GLDC: variants seen among roughly 807,000 people sequenced by gnomAD.
GLDC encodes glycine dehydrogenase (decarboxylating), mitochondrial.
Under a neutral mutation model 121.3 loss-of-function variants are expected in GLDC, and 104 were observed. The ratio of observed to expected loss-of-function variants is 0.86; its 90% confidence interval spans 0.73 to 1.01. GLDC has a LOEUF of 1.01. GLDC is among the 50% of genes least tolerant of loss of function. The pLI is 0.00. For missense variants in GLDC, 1,429 were observed against 1,306.6 expected, an observed-to-expected ratio of 1.09 and a Z score of -1.44; for synonymous variants, 546 against 480.6, an observed-to-expected ratio of 1.14 and a Z score of -1.78.
intron 15 of GLDC, among the ~76,000 whole-genome samples, chr9:6,569,675 T>C (rs1471559108): frequency 2.0e-5 from 3 of 149,560 alleles, no homozygotes; most frequent in Admixed American, 2.0e-4. Context: ...CAAAAAGAAA[T>C]GGATGTTGCA....
chr9:6,554,550 A>G (rs948644644), intron 19 of GLDC, 119 bp downstream of exon 19: 4 of 779,158 alleles, frequency 5.1e-6, no homozygotes, highest in Admixed American at 2.0e-5. Context: ...CTACAAGTGC[A>G]CTACACCGAT....
chr9:6,547,973 T>A (rs111740290), intron 21 of GLDC, among the ~76,000 whole-genome samples: 2,420 of 152,088 alleles, frequency 0.016, 62 homozygotes, highest in African/African-American at 0.056. Flanking sequence ...CTACAAAAAA[T>A]ATATATATAA....
At chr9:6,582,536 A>G (rs1332831923) in intron 15 of GLDC, among the ~76,000 whole-genome samples, 1 of 149,622 alleles carries the variant, frequency 6.7e-6, no homozygotes, top group African/African-American at 2.5e-5. Flanking sequence ...AAAAAGATAT[A>G]AAGAACTGCT....
chr9:6,591,141 A>C (rs74940669), intron 11 of GLDC, among the ~76,000 whole-genome samples: 3,862 of 152,018 alleles, frequency 0.025, 124 homozygotes, highest in African/African-American at 0.072. Context: ...GCTTTCCCCC[A>C]CTACTTCATT....
At chr9:6,553,801 C>T (rs369177862) in intron 19 of GLDC, among the ~76,000 whole-genome samples, 16 of 152,238 alleles carry the variant, frequency 1.1e-4, no homozygotes, top group African/African-American at 3.9e-4. Context: ...CTCCCTCCCA[C>T]TCCCAGCCCC....
chr9:6,601,574 G>A (rs1029984327), intron 8 of GLDC, among the ~76,000 whole-genome samples: 7 of 152,114 alleles, frequency 4.6e-5, no homozygotes, highest in African/African-American at 1.7e-4. Context: ...GGCAAATGGT[G>A]TACATATAAA....
intron 2 of GLDC, among the ~76,000 whole-genome samples, chr9:6,638,925 C>T (rs1319806195): frequency 6.6e-6 from 1 of 151,864 alleles, no homozygotes; most frequent in East Asian, 1.9e-4. Context: ...AGGAGAATCG[C>T]TTGAACCCAG....
chr9:6,581,381 C>T (rs1158965686), intron 15 of GLDC, among the ~76,000 whole-genome samples: 1 of 152,190 alleles, frequency 6.6e-6, no homozygotes, highest in South Asian at 2.1e-4. Context: ...CACCTCTGTA[C>T]TTCTCCACTG....
chr9:6,628,433 T>A (rs1819291972), intron 2 of GLDC, among the ~76,000 whole-genome samples: 1 of 152,030 alleles, frequency 6.6e-6, no homozygotes. Flanking sequence ...TTCCTGAACA[T>A]GAACTACAAT....
intron 8 of GLDC, among the ~76,000 whole-genome samples, chr9:6,598,635 C>T (rs939796226): frequency 2.6e-5 from 4 of 152,208 alleles, no homozygotes; most frequent in Non-Finnish European, 1.5e-5. Flanking sequence ...GGGAGACTTG[C>T]ATGCTCACAA....
chr9:6,540,007 C>T (rs374228546), intron 22 of GLDC, 44 bp downstream of exon 22: 106 of 1,230,878 alleles, frequency 8.6e-5, no homozygotes, highest in Non-Finnish European at 1.2e-4. Flanking sequence ...GGAAGTGGTC[C>T]ACAGCCAGCA....
chr9:6,536,733 T>C (rs1817136567), intron 22 of GLDC, among the ~76,000 whole-genome samples: 1 of 152,200 alleles, frequency 6.6e-6, no homozygotes, highest in Admixed American at 6.5e-5. Flanking sequence ...TATCATGTAT[T>C]ATGTGCAATT....
chr9:6,619,237 G>T (rs1819031198), intron 3 of GLDC, among the ~76,000 whole-genome samples: 1 of 149,918 alleles, frequency 6.7e-6, no homozygotes, highest in Non-Finnish European at 1.5e-5. Context: ...AACTGAGCAT[G>T]CATAGCTCAG....
intron 2 of GLDC, among the ~76,000 whole-genome samples, chr9:6,627,859 GT>G (rs1349333636): frequency 6.6e-6 from 1 of 152,144 alleles, no homozygotes; most frequent in Non-Finnish European, 1.5e-5. Context: ...TGTTTCAAAT[GT>G]TTGTTCACTG....
chr9:6,572,414 A>C (rs530096079), intron 15 of GLDC, among the ~76,000 whole-genome samples: 24 of 152,334 alleles, frequency 1.6e-4, no homozygotes, highest in African/African-American at 5.8e-4. Context: ...TGCTGAGTTT[A>C]GAGGTGTGTG....
chr9:6,612,417 A>T (rs568582117), intron 3 of GLDC, among the ~76,000 whole-genome samples: 2 of 152,214 alleles, frequency 1.3e-5, no homozygotes, highest in Non-Finnish European at 2.9e-5. Flanking sequence ...TTCAAAAAAG[A>T]AAGAAAGAAA....
intron 14 of GLDC, among the ~76,000 whole-genome samples, chr9:6,587,650 G>T (rs550268917): frequency 6.6e-6 from 1 of 152,218 alleles, no homozygotes; most frequent in South Asian, 2.1e-4. Flanking sequence ...TCACTAAGTG[G>T]AACAAGAAAC....
chr9:6,611,919 G>C (rs1030616643), intron 3 of GLDC, among the ~76,000 whole-genome samples: 1 of 152,038 alleles, frequency 6.6e-6, no homozygotes, highest in Non-Finnish European at 1.5e-5. Context: ...TAAGCACTTG[G>C]CTGGAGTAGT....
chr9:6,641,176 C>T (rs748566786), intron 2 of GLDC, among the ~76,000 whole-genome samples: 2 of 152,204 alleles, frequency 1.3e-5, no homozygotes, highest in Non-Finnish European at 2.9e-5. Flanking sequence ...TGGTTCTGTC[C>T]GGCCATTCTG....
Sources: allele counts gnomAD v4.1 joint callset (sites outside exome capture counted in the v4.1 genomes callset), GRCh38; gene constraint gnomAD v4.1.1; transcripts MANE v1.5; gene names NCBI Gene and HGNC (gene_info 2026-07-23, HGNC 2026-07-21).